Variants in PRMT2 observed in about 807,000 individuals in gnomAD.
PRMT2 encodes the protein protein arginine methyltransferase 2.
Under a neutral mutation model 57.6 loss-of-function variants are expected in PRMT2, and 26 were observed. The observed-to-expected ratio is 0.45, with a 90% CI of 0.33 to 0.63. The LOEUF (loss-of-function observed/expected upper bound fraction) is 0.63. PRMT2 is among the 20% of genes least tolerant of loss of function. PRMT2 has a pLI of 0.02. For missense variants in PRMT2, 472 were observed against 564.4 expected (o/e 0.84, Z 1.66); for synonymous variants, 219 against 220.0 (o/e 1.00, Z 0.04).
intron 7 of PRMT2, among the ~76,000 whole-genome samples, chr21:46,656,500 T>G (rs2061543539): frequency 6.6e-6 from 1 of 152,144 alleles, no homozygotes; most frequent in Admixed American, 6.5e-5. Flanking sequence ...GACACGTAAG[T>G]CAATGGAATG....
intron 3 of PRMT2, among the ~76,000 whole-genome samples, chr21:46,638,167 T>C (rs770792912): frequency 1.4e-4 from 22 of 152,186 alleles, no homozygotes; most frequent in Non-Finnish European, 2.8e-4. Flanking sequence ...AGAGTTTCCA[T>C]AGTGGTGTCA....
intron 8 of PRMT2, 142 bp from the exon 9 acceptor site, chr21:46,660,691 T>C (rs1253017599): frequency 9.2e-6 from 10 of 1,088,626 alleles, no homozygotes; most frequent in Non-Finnish European, 1.3e-5. Flanking sequence ...TGAGGGCTGC[T>C]CTGGGGTTCC....
In PRMT2 at chr21:46,659,599, A is replaced by G. The variant is rs1324329328; in HGVS notation, c.830+679A>G. The G allele has an allele frequency of 1.7e-5, 17 of 973,760 alleles. No homozygotes were observed. The South Asian group carries it at 4.7e-4, about 27-fold the overall frequency. 60.3% of individuals were successfully genotyped at this position (973,760 alleles called of 1,614,324 possible). ...GTAGTTAAAATGCGAATTAAAATACATGCTGTTTTCCCTACCAGACAAGCA... is the reference window on the plus strand; with the variant it reads ...GTAGTTAAAATGCGAATTAAAATACGTGCTGTTTTCCCTACCAGACAAGCA... On this transcript the variant is annotated intron_variant, in intron 8 of 11. Transcript: ENST00000355680.
At chr21:46,655,247 C>T (rs2061525232) in intron 7 of PRMT2, among the ~76,000 whole-genome samples, 1 of 152,072 alleles carries the variant, frequency 6.6e-6, no homozygotes, top group African/African-American at 2.4e-5. Context: ...CCAATGTTAA[C>T]ACAAAATATG....
At position 46,648,053 on chromosome 21, in the gene PRMT2, C is replaced by T. The variant is rs755890778; in HGVS notation, c.328-405C>T. Among the ~76,000 whole-genome samples the T allele has an allele frequency of 1.3e-4, 20 of 152,070 alleles. No homozygotes were observed. Among genetic ancestry groups the T allele is most frequent in the Non-Finnish European group, 2.9e-4 (20 of 68,026 alleles). ...TTTTATTATCATTTTGTTGTGCTTT[C>T]TCCTTTAGTAGGTACTGCATGGAAT... On this transcript the variant is annotated intron_variant, in intron 5 of 11. Transcript: ENST00000355680. This position sits in a 1 kb window ranked among gnomAD's most constrained non-coding sequence, Gnocchi z 4.8.
At chr21:46,661,696 G>A in intron 9 of PRMT2, 104 bp from the exon 10 acceptor site, 1 of 1,162,914 alleles carries the variant, frequency 8.6e-7, no homozygotes, top group Non-Finnish European at 1.1e-6. Flanking sequence ...TACGGTTCCT[G>A]ACGCATTCAG....
chr21:46,648,305 C>A lies in PRMT2; in HGVS notation c.328-153C>A. 1.5e-6 allele frequency: 1 copy of A among 677,348 alleles called. No homozygotes were observed. The highest frequency in any genetic ancestry group is 3.8e-4 in the Middle Eastern group (1 of 2,602). 42.0% of individuals were successfully genotyped at this position (677,348 alleles called of 1,614,324 possible). On this transcript the variant is annotated intron_variant, in intron 5 of 11. Coordinates refer to ENST00000355680, the MANE Select transcript of PRMT2 (RefSeq NM_206962.4). The surrounding 1 kb of genome is among the most constrained non-coding windows in gnomAD (Gnocchi z 4.8). ...GTTCTCTAAATACCAATGAGATTAA[C>A]TTGGTTGACAGTGATGTCCAGGCCT...
At chr21:46,645,266 C>A (rs2061343089) in intron 5 of PRMT2, among the ~76,000 whole-genome samples, 3 of 25,522 alleles carry the variant, frequency 1.2e-4, no homozygotes, top group Non-Finnish European at 1.6e-4. Context: ...GAGCCTGTCT[C>A]AAAAAAAAAA....
Position 46,663,411 on chromosome 21 carries a change from A to G in PRMT2, c.1126A>G (p.Met376Val). The change falls in exon 11 of 12, where the codon ATG (methionine) becomes GTG (valine). Residue 376 changes from methionine (M) to valine (V), a missense_variant. By Grantham distance (21) the Met-to-Val change is conservative. Around this residue, in one of 2 missense-constraint regions of PRMT2, gnomAD observed 229 missense variants for 217.2 expected, o/e 1.05. Coordinates refer to ENST00000355680, the MANE Select transcript of PRMT2 (RefSeq NM_206962.4). Reference protein sequence around the residue: ...PTTHWKQTLFMMDDPVPVHTG... With the variant: ...PTTHWKQTLFVMDDPVPVHTG... ...CACACACTGGAAGCAGACGCTGTTC[A>G]TGATGGACGACCCAGTCCCTGTCCA... The G allele has an allele frequency of 3.1e-6, 5 of 1,613,964 alleles. No homozygotes were observed. Among genetic ancestry groups the G allele is most frequent in the Non-Finnish European group, 4.2e-6 (5 of 1,179,836 alleles).
At position 46,636,510 on chromosome 21, in the gene PRMT2, C is replaced by T. The variant is rs1028010775; in HGVS notation, c.-94C>T. Reference sequence around the variant, plus strand: ...GAAGGAAAAGACTGGAAGATGCAGACCTTGGTTCCTGTTAGTGGAAACACT... The same window carrying T: ...GAAGGAAAAGACTGGAAGATGCAGATCTTGGTTCCTGTTAGTGGAAACACT... On this transcript the variant is annotated 5_prime_UTR_variant, in exon 2 of 12. Coordinates refer to ENST00000355680, the MANE Select transcript of PRMT2 (RefSeq NM_206962.4). 1 of 159,266 alleles carries T rather than the reference C, an allele frequency of 6.3e-6. No homozygotes were observed. Among genetic ancestry groups the T allele is most frequent in the African/African-American group, 2.4e-5 (1 of 41,616 alleles). The allele number at this position is 159,266 out of a possible 1,614,324, so 9.9% of individuals were successfully genotyped here. A position where few individuals can be genotyped will look rare whatever the true frequency, so the allele number is the denominator to read the frequency against.
At chr21:46,660,419 A>G (rs887551712) in intron 8 of PRMT2, among the ~76,000 whole-genome samples, 2 of 152,220 alleles carry the variant, frequency 1.3e-5, no homozygotes, top group East Asian at 3.8e-4. Flanking sequence ...ATTTACTGTT[A>G]ATAGAAGATC....
At chr21:46,642,699 AGT>A (rs1054069834) in intron 3 of PRMT2, among the ~76,000 whole-genome samples, 2 of 152,186 alleles carry the variant, frequency 1.3e-5, no homozygotes, top group Non-Finnish European at 2.9e-5. Context: ...TGCCCCCTGC[AGT>A]GATGTCTTCC....
Position 46,648,380 on chromosome 21 carries a change from T to C in PRMT2, c.328-78T>C. 3 of 1,509,736 alleles carry C rather than the reference T, an allele frequency of 2.0e-6. No homozygotes were observed. The highest frequency in any genetic ancestry group is 2.7e-6 in the Non-Finnish European group (3 of 1,101,178). The allele number at this position is 1,509,736 out of a possible 1,614,324, so 93.5% of individuals were successfully genotyped here. ...GGGGTCAGGGGTCATCAGCTGTGGCTCTGACCCTCCATCTCAGTCCAGACC... is the reference window on the plus strand; with the variant it reads ...GGGGTCAGGGGTCATCAGCTGTGGCCCTGACCCTCCATCTCAGTCCAGACC... On this transcript the variant is annotated intron_variant, in intron 5 of 11. Coordinates refer to ENST00000355680, the MANE Select transcript of PRMT2 (RefSeq NM_206962.4). This position sits in a 1 kb window ranked among gnomAD's most constrained non-coding sequence, Gnocchi z 4.8.
chr21:46,645,019 G>A (rs2061338304), intron 5 of PRMT2, among the ~76,000 whole-genome samples: 1 of 151,976 alleles, frequency 6.6e-6, no homozygotes, highest in Non-Finnish European at 1.5e-5. Flanking sequence ...GAGGACACTT[G>A]GCTTGAGACC....
chr21:46,640,740 T>C (rs1451319485), intron 3 of PRMT2, among the ~76,000 whole-genome samples: 1 of 151,684 alleles, frequency 6.6e-6, no homozygotes, highest in Non-Finnish European at 1.5e-5. Flanking sequence ...ATCTCCACCA[T>C]TATCTCTTCA....
rs1012029757 is a variant in PRMT2, at chr21:46,649,038, C to T, written c.489+419C>T. On this transcript the variant is annotated intron_variant, in intron 6 of 11. Transcript: ENST00000355680. This position sits in a 1 kb window ranked among gnomAD's most constrained non-coding sequence, Gnocchi z 4.8. The stretch of plus-strand genomic sequence containing the variant: ...GGCCCCCTCCCCACCCCTCTTAGGC[C>T]GTCTATACTGTGCTGAGCTGAGCCG... Among the ~76,000 whole-genome samples the T allele has an allele frequency of 6.6e-5, 10 of 152,188 alleles. No homozygotes were observed. The highest frequency in any genetic ancestry group is 1.0e-4 in the Non-Finnish European group (7 of 67,996).
chr21:46,661,782 G>C lies in PRMT2; in HGVS notation c.961-18G>C. On this transcript the variant is annotated intron_variant, in intron 9 of 11. Coordinates refer to ENST00000355680, the MANE Select transcript of PRMT2 (RefSeq NM_206962.4). ...GCCACGCGGTGCCCACGCGTGCCTTGTCATCTGCTTGACCCAGACCCTGAG... is the reference window on the plus strand; with the variant it reads ...GCCACGCGGTGCCCACGCGTGCCTTCTCATCTGCTTGACCCAGACCCTGAG... The C allele has an allele frequency of 7.4e-7, 1 of 1,360,236 alleles. No individual in the cohort carries two copies. The highest frequency in any genetic ancestry group is 3.0e-5 in the East Asian group (1 of 33,848). The allele number at this position is 1,360,236 out of a possible 1,614,324, so 84.3% of individuals were successfully genotyped here. A position where few individuals can be genotyped will look rare whatever the true frequency, so the allele number is the denominator to read the frequency against.
intron 7 of PRMT2, chr21:46,658,517 A>G: frequency 3.2e-6 from 2 of 630,016 alleles, no homozygotes; most frequent in Non-Finnish European, 5.0e-6. Context: ...CATAGTTCTA[A>G]TGGGAAATTA....
intron 3 of PRMT2, among the ~76,000 whole-genome samples, chr21:46,638,541 AT>A (rs2061215274): frequency 1.3e-5 from 2 of 152,206 alleles, no homozygotes; most frequent in Non-Finnish European, 2.9e-5. Context: ...CTGGATAATG[AT>A]CAGTTGTTCC....
Sources: allele counts gnomAD v4.1 joint callset (sites outside exome capture counted in the v4.1 genomes callset), GRCh38; gene constraint gnomAD v4.1.1; regional missense constraint gnomAD v4.1.1; non-coding constraint Gnocchi (gnomAD v3.1); transcripts MANE v1.5; gene names NCBI Gene and HGNC (gene_info 2026-07-23, HGNC 2026-07-21).